Variants in GNAL observed in about 807,000 individuals in gnomAD.
The protein encoded by GNAL is G protein subunit alpha L.
Under a neutral mutation model 55.1 loss-of-function variants are expected in GNAL, and 18 were observed. That is an observed-to-expected ratio of 0.33 (90% CI 0.23 to 0.48). The LOEUF (loss-of-function observed/expected upper bound fraction) is 0.48. GNAL is among the 20% of genes least tolerant of loss of function. GNAL has a pLI of 0.99. For synonymous variants in GNAL, 253 were observed against 237.0 expected (o/e 1.07, Z -0.62); for missense variants, 412 against 614.1 (o/e 0.67, Z 3.48).
intron 1 of GNAL, among the ~76,000 whole-genome samples, chr18:11,743,343 G>A (rs940812522): frequency 5.3e-5 from 8 of 150,758 alleles, no homozygotes; most frequent in African/African-American, 1.9e-4. Context: ...ACCACTGTTA[G>A]GCATTTACAA....
intron 1 of GNAL, among the ~76,000 whole-genome samples, chr18:11,724,637 G>A (rs573719243): frequency 6.6e-6 from 1 of 152,282 alleles, no homozygotes; most frequent in South Asian, 2.1e-4. Flanking sequence ...AGGAATTTGG[G>A]CCACTTCTGC....
chr18:11,877,980 A>G (rs138423300), intron 11 of GNAL, among the ~76,000 whole-genome samples: 1 of 152,380 alleles, frequency 6.6e-6, no homozygotes, highest in Non-Finnish European at 1.5e-5. Context: ...TACTTAAGCC[A>G]ATTAATGTGC....
At chr18:11,790,346 A>G (rs944465588) in intron 4 of GNAL, among the ~76,000 whole-genome samples, 4 of 151,892 alleles carry the variant, frequency 2.6e-5, no homozygotes, top group African/African-American at 9.7e-5. Context: ...GAAATTCTCC[A>G]GGGCGTTTGT....
At position 11,778,052 on chromosome 18, in the gene GNAL, C is replaced by T. The variant is rs193293636; in HGVS notation, c.624+24107C>T. Reference sequence around the variant, plus strand: ...GTGCCTGAGATTCCATGGCATCACTCGCTTTCCCCTGCAAGTTACCATGTC... The same window carrying T: ...GTGCCTGAGATTCCATGGCATCACTTGCTTTCCCCTGCAAGTTACCATGTC... On this transcript the variant is annotated intron_variant, in intron 4 of 11. Coordinates refer to ENST00000334049, the MANE Select transcript of GNAL (RefSeq NM_182978.4). 1.1e-4 allele frequency among the ~76,000 whole-genome samples: 16 copies of T among 152,332 alleles called. No individual in the cohort carries two copies. The East Asian group carries it at 2.9e-3, about 28-fold the overall frequency.
intron 4 of GNAL, among the ~76,000 whole-genome samples, chr18:11,801,122 G>C (rs544769991): frequency 1.3e-5 from 2 of 152,290 alleles, no homozygotes; most frequent in African/African-American, 4.8e-5. Context: ...AATATTTACT[G>C]AACTCTTAGC....
At chr18:11,819,144 CTGTG>C (rs1401956124) in intron 4 of GNAL, among the ~76,000 whole-genome samples, 3 of 152,224 alleles carry the variant, frequency 2.0e-5, no homozygotes, top group Non-Finnish European at 4.4e-5. Context: ...AGTCATTTGA[CTGTG>C]TTATATTAGC....
At chr18:11,867,860 C>T (rs1471922677) in intron 8 of GNAL, among the ~76,000 whole-genome samples, 2 of 151,872 alleles carry the variant, frequency 1.3e-5, no homozygotes, top group Non-Finnish European at 2.9e-5. Flanking sequence ...TGTGGTGGCT[C>T]ATGCCTGTAA....
At chr18:11,861,283 T>C (rs787552) in intron 5 of GNAL, among the ~76,000 whole-genome samples, 146,107 of 152,194 alleles carry the variant, frequency 0.96, 70,251 homozygotes, top group East Asian at 1. Context: ...CCTTCTAGGG[T>C]CCCTGCTGCC....
At chr18:11,765,528 A>C (rs1598438335) in intron 4 of GNAL, among the ~76,000 whole-genome samples, 1 of 152,040 alleles carries the variant, frequency 6.6e-6, no homozygotes, top group Non-Finnish European at 1.5e-5. Context: ...GTGCATCTGT[A>C]CTTTTGTGCC....
chr18:11,733,969 G>A (rs114830580), intron 1 of GNAL, among the ~76,000 whole-genome samples: 294 of 151,756 alleles, frequency 1.9e-3, no homozygotes, highest in African/African-American at 6.8e-3. Context: ...GTAGAACTGC[G>A]CCATCATTTC....
At chr18:11,861,509 C>A (rs1305793567) in intron 5 of GNAL, among the ~76,000 whole-genome samples, 2 of 152,206 alleles carry the variant, frequency 1.3e-5, no homozygotes, top group African/African-American at 4.8e-5. Context: ...GAGACCTGCC[C>A]TGAGGGCCTA....
At chr18:11,717,151 A>G (rs1012902317) in intron 1 of GNAL, among the ~76,000 whole-genome samples, 2 of 152,242 alleles carry the variant, frequency 1.3e-5, no homozygotes, top group African/African-American at 4.8e-5. Flanking sequence ...CCCAGGTGCT[A>G]AGCCCCTCAC....
At chr18:11,736,004 T>C (rs2032454953) in intron 1 of GNAL, among the ~76,000 whole-genome samples, 1 of 152,336 alleles carries the variant, frequency 6.6e-6, no homozygotes, top group Non-Finnish European at 1.5e-5. Context: ...AGTTTACTAC[T>C]CTCTGTCTTG....
At chr18:11,737,093 A>T (rs1398146862) in intron 1 of GNAL, among the ~76,000 whole-genome samples, 3 of 152,240 alleles carry the variant, frequency 2.0e-5, no homozygotes, top group Non-Finnish European at 2.9e-5. Flanking sequence ...CAATTTTTTT[A>T]AATTTTGTGG....
intron 1 of GNAL, among the ~76,000 whole-genome samples, chr18:11,725,233 TA>T (rs2032186524): frequency 6.6e-6 from 1 of 152,072 alleles, no homozygotes; most frequent in South Asian, 2.1e-4. Flanking sequence ...GTAATTAGGA[TA>T]AAATGAGATT....
intron 4 of GNAL, among the ~76,000 whole-genome samples, chr18:11,755,559 G>GCCA (rs2033026104): frequency 6.6e-6 from 1 of 152,220 alleles, no homozygotes; most frequent in African/African-American, 2.4e-5. Context: ...ACAGGCATGA[G>GCCA]CCACCGTGCC....
intron 1 of GNAL, among the ~76,000 whole-genome samples, chr18:11,727,260 A>C (rs1457757795): frequency 6.6e-6 from 1 of 152,156 alleles, no homozygotes; most frequent in Non-Finnish European, 1.5e-5. Flanking sequence ...GCGGAGCCGC[A>C]GGGTGTCAGG....
chr18:11,774,514 A>T (rs2033724117), intron 4 of GNAL, among the ~76,000 whole-genome samples: 1 of 152,230 alleles, frequency 6.6e-6, no homozygotes, highest in South Asian at 2.1e-4. Flanking sequence ...GAAAATGGCG[A>T]CCACTGCTTG....
chr18:11,769,685 T>G (rs2033572059), intron 4 of GNAL, among the ~76,000 whole-genome samples: 1 of 152,260 alleles, frequency 6.6e-6, no homozygotes, highest in Non-Finnish European at 1.5e-5. Flanking sequence ...ATATATTTTT[T>G]ATTTCATGAA....
Sources: allele counts gnomAD v4.1 joint callset (sites outside exome capture counted in the v4.1 genomes callset), GRCh38; gene constraint gnomAD v4.1.1; transcripts MANE v1.5; gene names NCBI Gene and HGNC (gene_info 2026-07-23, HGNC 2026-07-21).